Variants in ZC3H12B observed in about 807,000 individuals in gnomAD.
The protein encoded by ZC3H12B is zinc finger CCCH-type containing 12B.
In ZC3H12B, 7 loss-of-function variants were observed where a neutral mutation model predicts 43.9. The ratio of observed to expected loss-of-function variants is 0.16; its 90% CI spans 0.09 to 0.30. The LOEUF is 0.30. Ranked by LOEUF, ZC3H12B falls within the 10% of genes least tolerant of loss-of-function variation. The pLI is 1.00. For synonymous variants in ZC3H12B, 222 were observed against 241.7 expected (o/e 0.92, Z 0.76); for missense variants, 475 against 670.2 (o/e 0.71, Z 3.22).
chrX:65,452,841 A>AAC (rs111853414), intron 3 of ZC3H12B, among the ~76,000 whole-genome samples: 3,466 of 92,159 alleles, frequency 0.038, 68 homozygotes, highest in Middle Eastern at 0.06. Flanking sequence ...ACTCCATCTA[A>AAC]ACACACACAC....
intron 3 of ZC3H12B, among the ~76,000 whole-genome samples, chrX:65,456,526 T>C (rs754646671): frequency 9.7e-6 from 1 of 103,266 alleles, no homozygotes; most frequent in African/African-American, 3.5e-5. Context: ...CTCGGCTCAC[T>C]GCAACCTCCC....
chrX:65,456,852 C>T (rs1388191161), intron 3 of ZC3H12B, among the ~76,000 whole-genome samples: 1 of 109,527 alleles, frequency 9.1e-6, no homozygotes, highest in Non-Finnish European at 1.9e-5. Context: ...GCAGCCTCTG[C>T]CCAGCCGCCA....
At chrX:65,430,298 G>A (rs1402832730) in intron 3 of ZC3H12B, among the ~76,000 whole-genome samples, 1 of 110,675 alleles carries the variant, frequency 9.0e-6, no homozygotes, top group African/African-American at 3.3e-5. Flanking sequence ...AAGATCCATG[G>A]GAGAAGCATG....
chrX:65,231,553 A>G, the ZC3H12B span, among the ~76,000 whole-genome samples: 2 of 111,040 alleles, frequency 1.8e-5, no homozygotes, highest in African/African-American at 3.3e-5. Context: ...GCGGCTATTC[A>G]TAGAACTACC....
At chrX:65,301,946 T>C in the ZC3H12B span, among the ~76,000 whole-genome samples, 1 of 110,875 alleles carries the variant, frequency 9.0e-6, no homozygotes, top group Non-Finnish European at 1.9e-5. Flanking sequence ...CTTTAAACGA[T>C]CCTTTCTCAA....
the ZC3H12B span, among the ~76,000 whole-genome samples, chrX:65,056,685 T>A: frequency 1.8e-5 from 2 of 111,303 alleles, no homozygotes; most frequent in East Asian, 5.6e-4. Flanking sequence ...ATGTTGACAG[T>A]GGGGTGTTAA....
chrX:65,113,985 G>GTATA, the ZC3H12B span, among the ~76,000 whole-genome samples: 858 of 47,293 alleles, frequency 0.018, 54 homozygotes, highest in Middle Eastern at 0.043. Flanking sequence ...AGATATGCTT[G>GTATA]TATATATATA....
the ZC3H12B span, among the ~76,000 whole-genome samples, chrX:65,269,225 G>T: frequency 2.7e-5 from 3 of 109,920 alleles, no homozygotes; most frequent in Non-Finnish European, 5.7e-5. Flanking sequence ...AACGCCTGTA[G>T]TCCCAGTGAC....
At chrX:65,269,577 G>T in the ZC3H12B span, among the ~76,000 whole-genome samples, 1 of 110,430 alleles carries the variant, frequency 9.1e-6, no homozygotes, top group Middle Eastern at 4.2e-3. Context: ...ATGACTTACT[G>T]TAACCTCAAC....
the ZC3H12B span, among the ~76,000 whole-genome samples, chrX:65,085,225 ATAACT>A: frequency 5.4e-5 from 6 of 111,578 alleles, no homozygotes; most frequent in Non-Finnish European, 1.1e-4. Context: ...GTAGTGAATA[ATAACT>A]TAAGTGTACA....
chrX:65,187,847 ACTGT>A, the ZC3H12B span, among the ~76,000 whole-genome samples: 2 of 110,450 alleles, frequency 1.8e-5, no homozygotes, highest in Non-Finnish European at 3.8e-5. Context: ...TAAAATATAA[ACTGT>A]TGTTGACTGT....
the ZC3H12B span, among the ~76,000 whole-genome samples, chrX:65,314,237 C>A: frequency 2.4e-4 from 26 of 107,790 alleles, no homozygotes; most frequent in Admixed American, 2.6e-3. Flanking sequence ...GAGAGGAGTA[C>A]AAAAAAAAAT....
At chrX:65,257,156 A>G in the ZC3H12B span, among the ~76,000 whole-genome samples, 1 of 112,326 alleles carries the variant, frequency 8.9e-6, no homozygotes, top group African/African-American at 3.2e-5. Flanking sequence ...ATGCTCACGT[A>G]TGTTTATTGC....
the ZC3H12B span, among the ~76,000 whole-genome samples, chrX:65,093,136 G>A: frequency 8.9e-6 from 1 of 111,827 alleles, no homozygotes; most frequent in Non-Finnish European, 1.9e-5. Context: ...GTAATTGTTG[G>A]TGGCTTTCAT....
intron 2 of ZC3H12B, among the ~76,000 whole-genome samples, chrX:65,392,079 C>A (rs1437677417): frequency 9.0e-6 from 1 of 111,578 alleles, no homozygotes; most frequent in East Asian, 2.8e-4. Flanking sequence ...CAATGTTGCC[C>A]AGACTGGAGT....
At chrX:65,406,566 A>AGCGGGGCTGGGCGGGGCTGAG (rs1569396762) in intron 3 of ZC3H12B, among the ~76,000 whole-genome samples, 87 of 88,212 alleles carry the variant, frequency 9.9e-4, no homozygotes, top group African/African-American at 3.8e-3. Context: ...TCGGGGCTGA[A>AGCGGGGCTGGGCGGGGCTGAG]CGGGGCTGGG....
the ZC3H12B span, among the ~76,000 whole-genome samples, chrX:65,154,190 C>G: frequency 9.0e-6 from 1 of 111,294 alleles, no homozygotes; most frequent in Non-Finnish European, 1.9e-5. Context: ...TGTAACTAAC[C>G]TGCACATTGT....
the ZC3H12B span, among the ~76,000 whole-genome samples, chrX:65,190,439 G>A: frequency 1.8e-5 from 2 of 110,992 alleles, no homozygotes; most frequent in African/African-American, 3.3e-5. Flanking sequence ...AGCATGGAAT[G>A]TTCTTCCATT....
chrX:65,111,726 A>G, the ZC3H12B span, among the ~76,000 whole-genome samples: 9,052 of 109,545 alleles, frequency 0.083, 1,026 homozygotes, highest in African/African-American at 0.29. Context: ...CTTTGATGCT[A>G]TATTCTAATT....
Sources: allele counts gnomAD v4.1 joint callset (sites outside exome capture counted in the v4.1 genomes callset), GRCh38; gene constraint gnomAD v4.1.1; transcripts MANE v1.5; gene names NCBI Gene and HGNC (gene_info 2026-07-23, HGNC 2026-07-21).